Variants in DGCR8 observed in about 807,000 individuals in gnomAD.
DGCR8 encodes the protein DGCR8 microprocessor complex subunit.
In DGCR8, 14 loss-of-function variants were observed where a neutral mutation model predicts 78.5. The ratio of observed to expected loss-of-function variants is 0.18; its 90% CI spans 0.12 to 0.28. The LOEUF (loss-of-function observed/expected upper bound fraction) is 0.28, where lower values mean the gene tolerates loss of function less well. Ranked by LOEUF, DGCR8 falls within the 10% of genes least tolerant of loss-of-function variation. DGCR8 has a pLI of 1.00. For missense variants in DGCR8, 702 were observed against 1,022.5 expected, an observed-to-expected ratio of 0.69 and a Z score of 4.28; for synonymous variants, 399 against 402.4, an observed-to-expected ratio of 0.99 and a Z score of 0.10.
chr22:20,103,154 AT>A (rs2049724596), intron 9 of DGCR8, among the ~76,000 whole-genome samples: 1 of 151,854 alleles, frequency 6.6e-6, no homozygotes, highest in South Asian at 2.1e-4. Flanking sequence ...AAAAAAAAAA[AT>A]CTGCCTGCAT....
At chr22:20,088,321 G>T (rs925908226) in intron 3 of DGCR8, among the ~76,000 whole-genome samples, 2 of 152,132 alleles carry the variant, frequency 1.3e-5, no homozygotes, top group African/African-American at 2.4e-5. Flanking sequence ...GGCTGGTTTG[G>T]TGCTGCATTT....
chr22:20,080,284 G>C lies in DGCR8; in HGVS notation c.-377G>C, dbSNP rs915410164. 4 of 980,946 alleles carry C rather than the reference G, an allele frequency of 4.1e-6. No homozygotes were observed. The highest frequency in any genetic ancestry group is 3.5e-5 in the African/African-American group (2 of 56,848). 60.8% of individuals were successfully genotyped at this position (980,946 alleles called of 1,614,324 possible). On this transcript the variant is annotated 5_prime_UTR_variant, in exon 1 of 14. Transcript: ENST00000351989. ...GCAGGCGGGTGCCGGCGACCGGAGA[G>C]CCTGGACAGGCTTTCCAGATGGCTG...
At position 20,086,896 on chromosome 22, in the gene DGCR8, G is replaced by A; in HGVS notation, c.720+213G>A. On this transcript the variant is annotated intron_variant, in intron 2 of 13. Coordinates refer to ENST00000351989, the MANE Select transcript of DGCR8 (RefSeq NM_022720.7). The surrounding 1 kb of genome is among the most constrained non-coding windows in gnomAD (Gnocchi z 6.4). ...TAATGAAAAGTTTGGCCCATGGGTA[G>A]GCCCTGCATCCCTGATCTAGCGCGT... 1.3e-6 allele frequency: 1 copy of A among 758,474 alleles called. No homozygotes were observed. 47.0% of individuals were successfully genotyped at this position (758,474 alleles called of 1,614,324 possible).
In DGCR8 at chr22:20,086,786, A is replaced by G; in HGVS notation, c.720+103A>G. The G allele has an allele frequency of 3.9e-6, 5 of 1,295,438 alleles. No individual in the cohort carries two copies. The South Asian group carries it at 7.4e-5, about 19-fold the overall frequency. 80.2% of individuals were successfully genotyped at this position (1,295,438 alleles called of 1,614,324 possible). On this transcript the variant is annotated intron_variant, in intron 2 of 13. Coordinates refer to ENST00000351989, the MANE Select transcript of DGCR8 (RefSeq NM_022720.7). This position sits in a 1 kb window ranked among gnomAD's most constrained non-coding sequence, Gnocchi z 6.4. Reference sequence around the variant, plus strand: ...AGCAGGGAAATTAAAAAAAAAAAAAACAAAAACCAAAATCCCCTCTGAGGT... The same window carrying G: ...AGCAGGGAAATTAAAAAAAAAAAAAGCAAAAACCAAAATCCCCTCTGAGGT...
intron 12 of DGCR8, 58 bp downstream of exon 12, chr22:20,107,456 C>T: frequency 6.2e-7 from 1 of 1,605,910 alleles, no homozygotes; most frequent in Non-Finnish European, 8.5e-7. Flanking sequence ...GAGCGTATTC[C>T]TGAGGCTCTG....
intron 9 of DGCR8, among the ~76,000 whole-genome samples, chr22:20,099,373 C>T (rs2049668524): frequency 6.6e-6 from 1 of 152,206 alleles, no homozygotes. Context: ...GACAAAAGCC[C>T]TCAGGAACTG....
intron 9 of DGCR8, among the ~76,000 whole-genome samples, chr22:20,102,874 T>C (rs2049720024): frequency 6.6e-6 from 1 of 152,256 alleles, no homozygotes; most frequent in South Asian, 2.1e-4. Flanking sequence ...GGCTCACGCC[T>C]GTAATCCCAG....
At chr22:20,080,471 C>A in intron 1 of DGCR8, 88 bp downstream of exon 1, 2 of 983,808 alleles carry the variant, frequency 2.0e-6, no homozygotes, top group Non-Finnish European at 1.2e-6. Context: ...CCGCCTCCCT[C>A]CGGGACCGAG....
chr22:20,107,233 T>G, intron 11 of DGCR8, 38 bp from the exon 12 acceptor site: 1 of 1,613,808 alleles, frequency 6.2e-7, no homozygotes, highest in Non-Finnish European at 8.5e-7. Context: ...ACTGGGTGTT[T>G]GTGACCCCCT....
intron 5 of DGCR8, among the ~76,000 whole-genome samples, 188 bp downstream of exon 5, chr22:20,090,446 C>T (rs1046908008): frequency 2.0e-5 from 3 of 152,154 alleles, no homozygotes; most frequent in African/African-American, 4.8e-5. Context: ...GTGCAGCACC[C>T]TAGGCTCCTG....
chr22:20,101,784 T>G, intron 9 of DGCR8: 1 of 985,322 alleles, frequency 1.0e-6, no homozygotes. Context: ...CCCAGCTGCC[T>G]GTGCAGAGGT....
intron 11 of DGCR8, 171 bp from the exon 12 acceptor site, chr22:20,107,100 G>A (rs1269540373): frequency 4.4e-6 from 3 of 685,122 alleles, no homozygotes; most frequent in Non-Finnish European, 7.6e-6. Context: ...GTGGCAGCTG[G>A]GTACTGTGAG....
At chr22:20,107,534 T>G (rs1602497906) in intron 12 of DGCR8, 136 bp downstream of exon 12, 4 of 1,070,932 alleles carry the variant, frequency 3.7e-6, no homozygotes, top group Non-Finnish European at 5.4e-6. Flanking sequence ...GGGCCACTTG[T>G]GTGGCTTTGT....
At position 20,110,955 on chromosome 22, in the gene DGCR8, C is replaced by T. The variant is rs2049834097; in HGVS notation, c.*847C>T. On this transcript the variant is annotated 3_prime_UTR_variant, in exon 14 of 14. Coordinates refer to ENST00000351989, the MANE Select transcript of DGCR8 (RefSeq NM_022720.7). ...TATGTCCACCCATTGATTTTTAAAGCTTTTGTGATATTTTAGCATTTTGAA... is the reference window on the plus strand; with the variant it reads ...TATGTCCACCCATTGATTTTTAAAGTTTTTGTGATATTTTAGCATTTTGAA... 1 of 389,062 alleles carries T rather than the reference C, an allele frequency of 2.6e-6. No homozygotes were observed. Among genetic ancestry groups the T allele is most frequent in the Admixed American group, 4.5e-5 (1 of 22,414 alleles). The allele number at this position is 389,062 out of a possible 1,614,324, so 24.1% of individuals were successfully genotyped here. A position where few individuals can be genotyped will look rare whatever the true frequency, so the allele number is the denominator to read the frequency against.
chr22:20,086,357 G>T lies in DGCR8; in HGVS notation c.394G>T (p.Asp132Tyr), dbSNP rs2049482686. The T allele has an allele frequency of 6.2e-7, 1 of 1,613,982 alleles. No homozygotes were observed. Among genetic ancestry groups the T allele is most frequent in the Non-Finnish European group, 8.5e-7 (1 of 1,180,034 alleles). ...VSFTESCRSK[D>Y]RKVLYTGAER... is the part of the protein sequence containing the mutation. The stretch of plus-strand genomic sequence containing the variant: ...CTTTACCGAGAGCTGCAGGAGTAAG[G>T]ACAGGAAGGTGCTGTACACAGGAGC... Residue 132 changes from aspartate (D) to tyrosine (Y), a missense_variant, in exon 2 of 14, where the codon GAC becomes TAC. Transcript: ENST00000351989. This position sits in a 1 kb window ranked among gnomAD's most constrained non-coding sequence, Gnocchi z 6.4.
Position 20,086,421 on chromosome 22 carries a change from G to A in DGCR8, c.458G>A (p.Ser153Asn), listed in dbSNP as rs907653514. Residue 153 changes from serine to asparagine, a missense_variant, in exon 2 of 14, where the codon AGC becomes AAC. Coordinates refer to ENST00000351989, the MANE Select transcript of DGCR8 (RefSeq NM_022720.7). The surrounding 1 kb of genome is among the most constrained non-coding windows in gnomAD (Gnocchi z 6.4). ...CGGGCGGAGTGCGGTCTGCTCCTTA[G>A]CCCTGTCAGTGGGGACGTGCATGCT... Reference protein sequence around the residue: ...DVRAECGLLLSPVSGDVHACP... With the variant: ...DVRAECGLLLNPVSGDVHACP... 2.5e-6 allele frequency: 4 copies of A among 1,613,896 alleles called. No homozygotes were observed. The highest frequency in any genetic ancestry group is 1.1e-5 in the South Asian group (1 of 91,086).
rs1007368321 is a variant in DGCR8 at position 20,111,710 on chromosome 22, C to A, written c.*1602C>A. On this transcript the variant is annotated 3_prime_UTR_variant, in exon 14 of 14. Transcript: ENST00000351989. Reference sequence around the variant, plus strand: ...ATACTCTTGTGGTCTCTGTGCGCCCCCCCCCCCCCCCCACCCGTCTGCCAA... The same window carrying A: ...ATACTCTTGTGGTCTCTGTGCGCCCACCCCCCCCCCCCACCCGTCTGCCAA... 11 of 54,512 alleles carry A rather than the reference C, an allele frequency of 2.0e-4. No homozygotes were observed. The highest frequency in any genetic ancestry group is 6.7e-4 in the African/African-American group (6 of 8,944). The allele number at this position is 54,512 out of a possible 1,614,324, so 3.4% of individuals were successfully genotyped here. A position where few individuals can be genotyped will look rare whatever the true frequency, so the allele number is the denominator to read the frequency against.
chr22:20,090,923 A>G (rs1011711753), intron 5 of DGCR8, among the ~76,000 whole-genome samples: 3 of 152,186 alleles, frequency 2.0e-5, no homozygotes, highest in Non-Finnish European at 2.9e-5. Context: ...GGTGCCCTAG[A>G]AGAGCCTGTG....
chr22:20,111,394 T>C lies in DGCR8; in HGVS notation c.*1286T>C, dbSNP rs2049842424. 5.1e-6 allele frequency: 2 copies of C among 391,016 alleles called. No individual in the cohort carries two copies. Among genetic ancestry groups the C allele is most frequent in the Non-Finnish European group, 8.9e-6 (2 of 223,526 alleles). 24.2% of individuals were successfully genotyped at this position (391,016 alleles called of 1,614,324 possible). A position where few individuals can be genotyped will look rare whatever the true frequency, so the allele number is the denominator to read the frequency against. ...TTTTTTTTTTCTGTCAGGAAAACAA[T>C]GTTGGCCTGTGGGCCGCCCACAACA... On this transcript the variant is annotated 3_prime_UTR_variant, in exon 14 of 14. Transcript: ENST00000351989.
Sources: allele counts gnomAD v4.1 joint callset (sites outside exome capture counted in the v4.1 genomes callset), GRCh38; gene constraint gnomAD v4.1.1; non-coding constraint Gnocchi (gnomAD v3.1); transcripts MANE v1.5; gene names NCBI Gene and HGNC (gene_info 2026-07-23, HGNC 2026-07-21).